Variants in GNAQ observed in about 807,000 individuals in gnomAD.
GNAQ encodes G protein subunit alpha q.
In GNAQ, 8 loss-of-function variants were observed where a neutral mutation model predicts 43.9. The observed-to-expected ratio is 0.18, with a 90% CI of 0.11 to 0.33. The LOEUF (loss-of-function observed/expected upper bound fraction) is 0.33, where lower values mean the gene tolerates loss of function less well. Among genes scored for constraint, GNAQ ranks in the 10% least tolerant of loss-of-function variants. The pLI, the probability that GNAQ is intolerant of heterozygous loss-of-function variation, is 1.00. For synonymous variants in GNAQ, 155 were observed against 170.7 expected (o/e 0.91, Z 0.71); for missense variants, 158 against 450.8 (o/e 0.35, Z 5.88).
At chr9:77,884,505 T>C (rs192448509) in intron 2 of GNAQ, among the ~76,000 whole-genome samples, 17 of 152,340 alleles carry the variant, frequency 1.1e-4, no homozygotes, top group African/African-American at 4.1e-4. Context: ...AAAGTGCGAC[T>C]TCCCATAATG....
At chr9:77,936,912 C>A (rs904741809) in intron 1 of GNAQ, among the ~76,000 whole-genome samples, 3 of 152,180 alleles carry the variant, frequency 2.0e-5, no homozygotes, top group Non-Finnish European at 4.4e-5. Context: ...AGATCTTCCA[C>A]AAACTAGAGT....
intron 5 of GNAQ, among the ~76,000 whole-genome samples, chr9:77,763,834 C>G (rs1378189810): frequency 6.6e-6 from 1 of 152,184 alleles, no homozygotes; most frequent in Non-Finnish European, 1.5e-5. Context: ...TTGTGAAAGT[C>G]TGTAAATGAT....
chr9:77,829,079 G>A (rs147089309), intron 2 of GNAQ, among the ~76,000 whole-genome samples: 170 of 152,164 alleles, frequency 1.1e-3, no homozygotes, highest in African/African-American at 3.6e-3. Flanking sequence ...GAGCTGCTGG[G>A]GCCATTCATG....
intron 2 of GNAQ, among the ~76,000 whole-genome samples, chr9:77,911,878 A>G (rs1186003427): frequency 6.6e-6 from 1 of 152,212 alleles, no homozygotes; most frequent in Non-Finnish European, 1.5e-5. Flanking sequence ...TCTAAAAAAG[A>G]AAACCGTATT....
chr9:77,928,971 T>C (rs1829108738), intron 1 of GNAQ, among the ~76,000 whole-genome samples: 1 of 152,174 alleles, frequency 6.6e-6, no homozygotes, highest in Non-Finnish European at 1.5e-5. Flanking sequence ...TGAGCTGAGA[T>C]CGCATCATTG....
intron 5 of GNAQ, among the ~76,000 whole-genome samples, chr9:77,752,193 GGT>G (rs1322295128): frequency 6.6e-6 from 1 of 152,160 alleles, no homozygotes; most frequent in Non-Finnish European, 1.5e-5. Flanking sequence ...AAATAAACAT[GGT>G]GTAGAGAGGT....
chr9:77,764,459 CTTTT>C (rs1033785301), intron 5 of GNAQ, among the ~76,000 whole-genome samples: 1 of 144,422 alleles, frequency 6.9e-6, no homozygotes, highest in African/African-American at 2.5e-5. Context: ...TCTGAAAATA[CTTTT>C]TTTTTTTTTT....
intron 1 of GNAQ, 85 bp downstream of exon 1, chr9:78,030,999 CGGGCGCCGGGGGGCGG>C (rs912968728): frequency 1.1e-6 from 1 of 886,570 alleles, no homozygotes; most frequent in Non-Finnish European, 1.5e-6. Flanking sequence ...GGGCGAACCG[CGGGCGCCGGGGGGCGG>C]GGGCGCCGAA....
chr9:77,776,830 T>A (rs979751481), intron 5 of GNAQ, among the ~76,000 whole-genome samples: 3 of 151,000 alleles, frequency 2.0e-5, no homozygotes, highest in Non-Finnish European at 4.4e-5. Context: ...CTGATCTACA[T>A]AGTCAACATC....
At chr9:77,854,135 T>G (rs1021717653) in intron 2 of GNAQ, among the ~76,000 whole-genome samples, 10 of 152,190 alleles carry the variant, frequency 6.6e-5, no homozygotes, top group Non-Finnish European at 1.3e-4. Context: ...GATCCATAAG[T>G]ACATAATATA....
rs370051166 is a variant in GNAQ at position 77,777,262 on chromosome 9, C to A, written c.735+17201G>T. Among the ~76,000 whole-genome samples, 15 of 152,130 alleles carry A rather than the reference C, an allele frequency of 9.9e-5. No homozygotes were observed. The South Asian group carries it at 3.1e-3, about 32-fold the overall frequency. Reference sequence around the variant, plus strand: ...AATGGTTCAATTTAAGATTTTTCAACATTATGATAGTGCAAATGCAATATA... The same window carrying A: ...AATGGTTCAATTTAAGATTTTTCAAAATTATGATAGTGCAAATGCAATATA... On this transcript the variant is annotated intron_variant, in intron 5 of 6. Coordinates refer to ENST00000286548, the MANE Select transcript of GNAQ (RefSeq NM_002072.5).
Position 78,031,075 on chromosome 9 carries a change from C to T in GNAQ, c.136+25G>A, listed in dbSNP as rs780657650. On this transcript the variant is annotated intron_variant, in intron 1 of 6. Coordinates refer to ENST00000286548, the MANE Select transcript of GNAQ (RefSeq NM_002072.5). ...ATGGTGGGCTGGGGGCGCAGAGGCC[C>T]GGCGGGGCCCCGGACGGTACTCACC... 8.4e-6 allele frequency: 12 copies of T among 1,432,340 alleles called. No homozygotes were observed. The South Asian group carries it at 1.3e-4, about 15-fold the overall frequency. 88.7% of individuals were successfully genotyped at this position (1,432,340 alleles called of 1,614,324 possible).
At chr9:78,029,577 C>T (rs1824024361) in intron 1 of GNAQ, among the ~76,000 whole-genome samples, 1 of 152,118 alleles carries the variant, frequency 6.6e-6, no homozygotes, top group Admixed American at 6.5e-5. Flanking sequence ...TTTTTATAAA[C>T]ATGTGCACAT....
At chr9:77,738,313 C>CA (rs1825603341) in intron 5 of GNAQ, among the ~76,000 whole-genome samples, 2 of 95,872 alleles carry the variant, frequency 2.1e-5, no homozygotes, top group African/African-American at 6.1e-5. Context: ...TAGCACGCTA[C>CA]AAACCACACA....
intron 5 of GNAQ, among the ~76,000 whole-genome samples, chr9:77,745,429 CTG>C (rs926138751): frequency 6.6e-6 from 1 of 151,784 alleles, no homozygotes; most frequent in African/African-American, 2.4e-5. Context: ...ACAGAGATCA[CTG>C]TAAAGAGATC....
rs1005633170 is a variant in GNAQ at position 77,936,417 on chromosome 9, T to A, written c.137-14072A>T. 3.9e-5 allele frequency among the ~76,000 whole-genome samples: 6 copies of A among 152,082 alleles called. No homozygotes were observed. In the South Asian group the frequency reaches 6.2e-4, roughly 16 times the overall value. ...CATAAAAATAACATTGGAGGAAGCA[T>A]AATAAACATGGTTTTAGTCTTTAAA... On this transcript the variant is annotated intron_variant, in intron 1 of 6. Transcript: ENST00000286548.
intron 5 of GNAQ, among the ~76,000 whole-genome samples, chr9:77,788,873 C>T (rs1826524307): frequency 6.6e-6 from 1 of 152,168 alleles, no homozygotes; most frequent in African/African-American, 2.4e-5. Context: ...ACACTTGGTT[C>T]CCTCGAGGGA....
intron 1 of GNAQ, among the ~76,000 whole-genome samples, chr9:78,022,897 G>T (rs1823928309): frequency 6.6e-6 from 1 of 152,162 alleles, no homozygotes; most frequent in Non-Finnish European, 1.5e-5. Flanking sequence ...AAAAGTAAAG[G>T]CCACTGCTAT....
At chr9:77,871,744 T>C (rs1828041441) in intron 2 of GNAQ, among the ~76,000 whole-genome samples, 1 of 152,136 alleles carries the variant, frequency 6.6e-6, no homozygotes, top group African/African-American at 2.4e-5. Flanking sequence ...AAAACATCAC[T>C]TTTTTCTGAT....
Sources: gnomAD v4.1 joint callset for allele counts (sites outside exome capture counted in the v4.1 genomes callset) on GRCh38, gnomAD v4.1.1 for gene constraint, MANE v1.5 for transcripts, NCBI Gene and HGNC (gene_info 2026-07-23, HGNC 2026-07-21) for gene names.